Variants in MS4A6E observed in about 807,000 individuals in gnomAD.
MS4A6E encodes the protein membrane spanning 4-domains A6E.
MS4A6E carries 8 observed loss-of-function variants against 13.2 expected under a neutral mutation model. The ratio of observed to expected loss-of-function variants is 0.60; its 90% CI spans 0.35 to 1.09. The LOEUF (loss-of-function observed/expected upper bound fraction) is 1.09, where lower values mean the gene tolerates loss of function less well. Among genes scored for constraint, MS4A6E ranks in the 50% least tolerant of loss-of-function variants. The pLI, the probability that MS4A6E is intolerant of heterozygous loss-of-function variation, is 0.02. For synonymous variants in MS4A6E, 72 were observed against 67.6 expected (o/e 1.06, Z -0.32); for missense variants, 177 against 171.1 (o/e 1.03, Z -0.19).
At chr11:60,341,614 C>T (rs372995375), downstream of MS4A6E, among the ~76,000 whole-genome samples, 58 of 146,932 alleles carry the variant, frequency 3.9e-4, no homozygotes, top group African/African-American at 1.4e-3. Context: ...CACACACACA[C>T]GTGTAAAAAA....
In MS4A6E at chr11:60,341,173, G is replaced by C. The variant is rs2289611; in HGVS notation, c.*407G>C. Among the ~76,000 whole-genome samples the C allele has an allele frequency of 0.31, 47,616 of 151,954 alleles. 8,181 individuals carry two copies. Among genetic ancestry groups the C allele is most frequent in the African/African-American group, 0.46 (19,083 of 41,404 alleles). On this transcript the variant is annotated 3_prime_UTR_variant, in exon 5 of 5. Coordinates refer to ENST00000684409, the MANE Select transcript of MS4A6E (RefSeq NM_139249.4). ...GCTTTTTCTTATACTCCTCAATTGT[G>C]AACAGGAGTTAACTGATTTGCTGTG...
At chr11:60,328,634 A>G (rs2085134890) in intron 1 of MS4A6E, among the ~76,000 whole-genome samples, 1 of 152,212 alleles carries the variant, frequency 6.6e-6, no homozygotes, top group Admixed American at 6.5e-5. Flanking sequence ...ACTTATGCTA[A>G]GTAAACTTAC....
At chr11:60,333,174 C>T (rs1037946646) in intron 1 of MS4A6E, among the ~76,000 whole-genome samples, 3 of 152,206 alleles carry the variant, frequency 2.0e-5, no homozygotes, top group African/African-American at 7.2e-5. Flanking sequence ...CTGAGGACTT[C>T]CTGTTGCCCA....
At chr11:60,331,780 TG>T (rs1335469938) in intron 1 of MS4A6E, among the ~76,000 whole-genome samples, 3 of 152,188 alleles carry the variant, frequency 2.0e-5, no homozygotes, top group African/African-American at 7.2e-5. Context: ...TATTAAAAAG[TG>T]GGGCCTTTGC....
chr11:60,348,939 A>G (rs973596851), intron 4 of MS4A6E, among the ~76,000 whole-genome samples: 10 of 152,240 alleles, frequency 6.6e-5, no homozygotes, highest in African/African-American at 1.7e-4. Flanking sequence ...GTCCACTTCT[A>G]TACTCAGGAG....
downstream of MS4A6E, among the ~76,000 whole-genome samples, chr11:60,344,932 GT>G (rs1267443191): frequency 6.6e-6 from 1 of 151,382 alleles, no homozygotes; most frequent in Admixed American, 6.6e-5. Flanking sequence ...TTGTTTTTTT[GT>G]TTTTTGTTTT....
chr11:60,341,725 C>T (rs1361774905), downstream of MS4A6E, among the ~76,000 whole-genome samples: 1 of 152,218 alleles, frequency 6.6e-6, no homozygotes, highest in Non-Finnish European at 1.5e-5. Flanking sequence ...CTCACTGTCT[C>T]AGATATCCTG....
chr11:60,338,453 A>G (rs2135062113), intron 3 of MS4A6E: 1 of 159,002 alleles, frequency 6.3e-6, no homozygotes, highest in Admixed American at 6.1e-5. Context: ...AATGATTACA[A>G]TAATGAATAA....
chr11:60,348,321 A>G (rs1422188744), intron 4 of MS4A6E, among the ~76,000 whole-genome samples: 1 of 152,160 alleles, frequency 6.6e-6, no homozygotes, highest in South Asian at 2.1e-4. Context: ...GATGCTGTTG[A>G]CCTAGAAATA....
At chr11:60,340,218 T>C (rs955271532) in intron 4 of MS4A6E, among the ~76,000 whole-genome samples, 2 of 152,196 alleles carry the variant, frequency 1.3e-5, no homozygotes, top group African/African-American at 4.8e-5. Flanking sequence ...ATTTTGTCAT[T>C]GAAGGGAATG....
intron 2 of MS4A6E, among the ~76,000 whole-genome samples, chr11:60,336,188 G>A (rs2085187595): frequency 6.6e-6 from 1 of 152,132 alleles, no homozygotes; most frequent in Non-Finnish European, 1.5e-5. Context: ...TGTCTATGAT[G>A]GAAATGAAAT....
At chr11:60,332,717 T>C (rs990625085) in intron 1 of MS4A6E, among the ~76,000 whole-genome samples, 1 of 152,240 alleles carries the variant, frequency 6.6e-6, no homozygotes, top group African/African-American at 2.4e-5. Flanking sequence ...TCTTTATTAG[T>C]TGACCCAAAA....
At chr11:60,345,648 T>G (rs1184762804), downstream of MS4A6E, among the ~76,000 whole-genome samples, 1 of 152,236 alleles carries the variant, frequency 6.6e-6, no homozygotes, top group Non-Finnish European at 1.5e-5. Flanking sequence ...AACAAGTGTT[T>G]AACTCAATTG....
At chr11:60,338,603 T>C (rs1162694342) in intron 3 of MS4A6E, 1 of 152,178 alleles carries the variant, frequency 6.6e-6, no homozygotes, top group Admixed American at 6.6e-5. Context: ...TCTCTCTCTT[T>C]GGAAGAAGAA....
At chr11:60,340,167 G>T (rs1459205673) in intron 4 of MS4A6E, among the ~76,000 whole-genome samples, 1 of 152,210 alleles carries the variant, frequency 6.6e-6, no homozygotes, top group African/African-American at 2.4e-5. Flanking sequence ...CACTGGATAT[G>T]AAAATAGTTA....
Position 60,339,931 on chromosome 11 carries a change from G to A in MS4A6E, c.420G>A (p.Val140=). 2 of 1,613,754 alleles carry A rather than the reference G, an allele frequency of 1.2e-6. No individual in the cohort carries two copies. Among genetic ancestry groups the A allele is most frequent in the Non-Finnish European group, 1.7e-6 (2 of 1,179,732 alleles). ...LEFCLAVLTA[V]LQWKQTV Reference sequence around the variant, plus strand: ...TCTGCCTAGCTGTGCTCACTGCTGTGCTGCAGTGGAAACAGACTGTCTGAC... The same window carrying A: ...TCTGCCTAGCTGTGCTCACTGCTGTACTGCAGTGGAAACAGACTGTCTGAC... Residue 140 remains valine, a synonymous_variant, in exon 4 of 5, where the codon GTG becomes GTA. Transcript: ENST00000684409.
chr11:60,338,006 C>A, intron 3 of MS4A6E, 59 bp downstream of exon 3: 2 of 1,516,838 alleles, frequency 1.3e-6, no homozygotes, highest in South Asian at 1.2e-5. Context: ...GCCTTGATTT[C>A]TTATTATTCC....
chr11:60,337,880 T>C lies in MS4A6E; in HGVS notation c.287T>C (p.Leu96Pro), dbSNP rs770837798. 1.2e-6 allele frequency: 2 copies of C among 1,614,198 alleles called. No homozygotes were observed. The highest frequency in any genetic ancestry group is 1.1e-5 in the South Asian group (1 of 91,076). The change falls in exon 3 of 5, where the codon CTT (leucine) becomes CCT (proline). Residue 96 changes from leucine to proline, a missense_variant. Physicochemically the swap from Leu to Pro is moderately conservative, Grantham distance 98. Coordinates refer to ENST00000684409, the MANE Select transcript of MS4A6E (RefSeq NM_139249.4). ...GACGAAAAGGATATACCAACCAGACTTCTTCTTTCTTATGATTATCATTCA... is the reference window on the plus strand; with the variant it reads ...GACGAAAAGGATATACCAACCAGACCTCTTCTTTCTTATGATTATCATTCA... ...KLDEKDIPTRLLLSYDYHSPY... is the reference protein window; with the variant it reads ...KLDEKDIPTRPLLSYDYHSPY...
At chr11:60,345,309 G>GA (rs1565158137), downstream of MS4A6E, among the ~76,000 whole-genome samples, 1 of 152,318 alleles carries the variant, frequency 6.6e-6, no homozygotes, top group East Asian at 1.9e-4. Flanking sequence ...TGAGCATGGA[G>GA]AACTAAGAAA....
Sources: gnomAD v4.1 joint callset for allele counts (sites outside exome capture counted in the v4.1 genomes callset) on GRCh38, gnomAD v4.1.1 for gene constraint, MANE v1.5 for transcripts, NCBI Gene and HGNC (gene_info 2026-07-23, HGNC 2026-07-21) for gene names.